PLEKHO1: variants seen among roughly 807,000 people sequenced by gnomAD.
The protein encoded by PLEKHO1 is pleckstrin homology domain-containing family O member 1.
A neutral mutation model predicts 41.4 loss-of-function variants in PLEKHO1; 22 were observed. The observed-to-expected ratio is 0.53, with a 90% confidence interval of 0.38 to 0.76. The LOEUF is 0.76. Ranked by LOEUF, PLEKHO1 falls within the 30% of genes least tolerant of loss-of-function variation. PLEKHO1 has a pLI of 0.00. For synonymous variants in PLEKHO1, 225 were observed against 210.8 expected (o/e 1.07, Z -0.58); for missense variants, 488 against 518.3 (o/e 0.94, Z 0.57).
chr1:150,150,166 C>A lies in PLEKHO1; in HGVS notation c.-92C>A. On this transcript the variant is annotated 5_prime_UTR_variant, in exon 1 of 6. Transcript: ENST00000369124. ...GGCGGCGCCGGGGCAGCTCCGACGC[C>A]CTCCCGCGGGGAAGGAGCCCCCGCG... 2.1e-6 allele frequency: 1 copy of A among 482,866 alleles called. No individual in the cohort carries two copies. Among genetic ancestry groups the A allele is most frequent in the South Asian group, 8.7e-5 (1 of 11,510 alleles). 29.9% of individuals were successfully genotyped at this position (482,866 alleles called of 1,614,324 possible).
rs782341085 is a variant in PLEKHO1, at chr1:150,159,150, C to G, written c.857C>G (p.Thr286Ser). The G allele has an allele frequency of 6.3e-5, 101 of 1,611,426 alleles. 1 individual carries two copies. Among genetic ancestry groups the G allele is most frequent in the Non-Finnish European group, 7.7e-5 (91 of 1,178,786 alleles). Residue 286 changes from threonine (T) to serine (S), a missense_variant, in exon 6 of 6, where the codon ACC becomes AGC. Thr to Ser is a moderately conservative substitution (Grantham distance 58). Transcript: ENST00000369124. ...CAGCGGGATGCTGCCTCTGCCCGCACCCTCCAGCTGCGGGCTGAGGAACCC... is the reference window on the plus strand; with the variant it reads ...CAGCGGGATGCTGCCTCTGCCCGCAGCCTCCAGCTGCGGGCTGAGGAACCC... Reference protein sequence around the residue: ...LSQRDAASARTLQLRAEEPPT... With the variant: ...LSQRDAASARSLQLRAEEPPT...
Position 150,158,885 on chromosome 1 carries a change from G to A in PLEKHO1, c.592G>A (p.Glu198Lys). ...DLIQEEDPSP[E>K]EPTSCAESFR... ...GATCCAAGAGGAAGACCCTTCCCCT[G>A]AGGAACCAACCTCTTGTGCTGAGAG... The change falls in exon 6 of 6, where the codon GAG (glutamate) becomes AAG (lysine). Residue 198 changes from glutamate (E) to lysine (K), a missense_variant. Physicochemically the swap from Glu to Lys is moderately conservative, Grantham distance 56 (BLOSUM62 1). Transcript: ENST00000369124. 4 of 1,614,098 alleles carry A rather than the reference G, an allele frequency of 2.5e-6. No homozygotes were observed. Among genetic ancestry groups the A allele is most frequent in the Non-Finnish European group, 2.5e-6 (3 of 1,179,978 alleles).
At chr1:150,158,707 A>AT (rs1660279488) in intron 5 of PLEKHO1, 112 bp from the exon 6 acceptor site, 1 of 773,286 alleles carries the variant, frequency 1.3e-6, no homozygotes, top group African/African-American at 1.7e-5. Context: ...AGTACTTCTC[A>AT]TTCAAGGAAG....
intron 2 of PLEKHO1, chr1:150,154,286 A>G (rs1660080134): frequency 6.6e-6 from 1 of 152,276 alleles, no homozygotes; most frequent in Non-Finnish European, 1.5e-5. Flanking sequence ...GTTTCTGGGA[A>G]TTGCTCTTGG....
chr1:150,160,028 TGAG>T lies in PLEKHO1; in HGVS notation c.*511_*513del, dbSNP rs1327271469. On this transcript the variant is annotated 3_prime_UTR_variant, in exon 6 of 6. Coordinates refer to ENST00000369124, the MANE Select transcript of PLEKHO1 (RefSeq NM_016274.6). ...ATGGAAGTGAAATTTATCCCAGCCC[TGAG>T]GAGGATTTGTGGAATTAAAATCTCC... The T allele has an allele frequency of 6.5e-6, 1 of 152,966 alleles. No homozygotes were observed. The highest frequency in any genetic ancestry group is 2.4e-5 in the African/African-American group (1 of 41,470). The allele number at this position is 152,966 out of a possible 1,614,324, so 9.5% of individuals were successfully genotyped here.
chr1:150,150,297 C>A lies in PLEKHO1; in HGVS notation c.30+10C>A, dbSNP rs1553818352. The stretch of plus-strand genomic sequence containing the variant: ...CAATTCCGCCAAGCGGGTGAGTGCG[C>A]TTGCCCGCCCTGCGGCCGCCGCCGC... On this transcript the variant is annotated intron_variant, in intron 1 of 5. Transcript: ENST00000369124. 9.2e-7 allele frequency: 1 copy of A among 1,091,404 alleles called. No individual in the cohort carries two copies. The highest frequency in any genetic ancestry group is 1.1e-6 in the Non-Finnish European group (1 of 891,220). The allele number at this position is 1,091,404 out of a possible 1,614,324, so 67.6% of individuals were successfully genotyped here.
chr1:150,153,389 A>G (rs1299148765), intron 2 of PLEKHO1: 1 of 151,928 alleles, frequency 6.6e-6, no homozygotes, highest in African/African-American at 2.4e-5. Flanking sequence ...GGGTCTCACT[A>G]TGTTTCCCAG....
At chr1:150,152,491 A>G (rs983228776) in intron 2 of PLEKHO1, among the ~76,000 whole-genome samples, 1 of 151,936 alleles carries the variant, frequency 6.6e-6, no homozygotes, top group South Asian at 2.1e-4. Context: ...TTGTAGAGAC[A>G]GTGTTTCGCG....
chr1:150,151,697 G>C (rs1659941691), intron 2 of PLEKHO1, among the ~76,000 whole-genome samples: 1 of 136,640 alleles, frequency 7.3e-6, no homozygotes, highest in Non-Finnish European at 1.5e-5. Flanking sequence ...CCCTCCATTT[G>C]TATCAGAAGG....
rs978231823 is a variant in PLEKHO1, at chr1:150,159,303, A to G, written c.1010A>G (p.Lys337Arg). 6 of 1,614,142 alleles carry G rather than the reference A, an allele frequency of 3.7e-6. No homozygotes were observed. The highest frequency in any genetic ancestry group is 2.2e-5 in the East Asian group (1 of 44,884). The stretch of plus-strand genomic sequence containing the variant: ...CTGGGAGATGGGAAGCGAAAGGCCA[A>G]GGACCCCCCTCGGTCTCCGCCGGAT... ...QGLGDGKRKA[K>R]DPPRSPPDSE... Residue 337 changes from lysine (K) to arginine (R), a missense_variant, in exon 6 of 6, where the codon AAG (lysine) becomes AGG (arginine). By Grantham distance (26) the Lys-to-Arg change is conservative (BLOSUM62 2). Transcript: ENST00000369124.
At chr1:150,158,630 A>G (rs1660275988) in intron 5 of PLEKHO1, among the ~76,000 whole-genome samples, 189 bp from the exon 6 acceptor site, 1 of 152,168 alleles carries the variant, frequency 6.6e-6, no homozygotes, top group Non-Finnish European at 1.5e-5. Context: ...CGGAGCTTGC[A>G]GTGAGCTCAA....
rs1660290818 is a variant in PLEKHO1 at position 150,158,858 on chromosome 1, T to C, written c.565T>C (p.Leu189=). ...CTCGGATGGGATGCTGACCTTGGAC[T>C]TGATCCAAGAGGAAGACCCTTCCCC... is the stretch of plus-strand genomic sequence containing the variant. ...STSDGMLTLD[L]IQEEDPSPEE... Residue 189 remains leucine (L), a synonymous_variant, in exon 6 of 6, where the codon TTG becomes CTG. Coordinates refer to ENST00000369124, the MANE Select transcript of PLEKHO1 (RefSeq NM_016274.6). The C allele has an allele frequency of 1.2e-6, 2 of 1,612,944 alleles. No homozygotes were observed. The highest frequency in any genetic ancestry group is 1.7e-6 in the Non-Finnish European group (2 of 1,179,032).
chr1:150,156,132 C>T lies in PLEKHO1; in HGVS notation c.244C>T (p.Arg82Trp), dbSNP rs781800712. 1.9e-6 allele frequency: 3 copies of T among 1,612,946 alleles called. No individual in the cohort carries two copies. Among genetic ancestry groups the T allele is most frequent in the Non-Finnish European group, 2.5e-6 (3 of 1,179,162 alleles). ...TGACTATGAGAAGTGTGAAGAGCTCCGGAAGTCCAAGAGCAGGAGCAAGAA... is the reference window on the plus strand; with the variant it reads ...TGACTATGAGAAGTGTGAAGAGCTCTGGAAGTCCAAGAGCAGGAGCAAGAA... ...LSDYEKCEEL[R>W]KSKSRSKKNH... The change falls in exon 3 of 6, where the codon CGG becomes TGG. Residue 82 changes from arginine to tryptophan, a missense_variant. Arg to Trp is a moderately radical substitution (Grantham distance 101, BLOSUM62 -3). This residue lies in a region of PLEKHO1 where 59 missense variants were observed against 111.5 expected (regional missense o/e 0.53). Coordinates refer to ENST00000369124, the MANE Select transcript of PLEKHO1 (RefSeq NM_016274.6).
chr1:150,156,779 T>C (rs1660187863), intron 3 of PLEKHO1, 132 bp from the exon 4 acceptor site: 1 of 659,154 alleles, frequency 1.5e-6, no homozygotes, highest in Non-Finnish European at 2.8e-6. Flanking sequence ...TATGGATGAC[T>C]CTGGAAGCAG....
intron 2 of PLEKHO1, among the ~76,000 whole-genome samples, chr1:150,151,610 C>T (rs1659933587): frequency 6.6e-6 from 1 of 152,160 alleles, no homozygotes; most frequent in African/African-American, 2.4e-5. Context: ...TGTCCCTAAC[C>T]AGTATGCTCT....
chr1:150,159,023 TG>T lies in PLEKHO1; in HGVS notation c.733del (p.Glu245LysfsTer17). 6.2e-7 allele frequency: 1 copy of T among 1,613,452 alleles called. No homozygotes were observed. The highest frequency in any genetic ancestry group is 8.5e-7 in the Non-Finnish European group (1 of 1,179,774). On this transcript the variant is annotated frameshift_variant, in exon 6 of 6. Transcript: ENST00000369124. LOFTEE classifies it high-confidence loss of function. ...ADRASSLSRP[W>X]EKTDKGATYT... is the part of the protein sequence containing the mutation. The stretch of plus-strand genomic sequence containing the variant: ...CCGGGCAAGCAGTCTCTCCCGACCT[TG>T]GGAAAAAACAGACAAAGGGGCCACC...
chr1:150,158,993 G>A lies in PLEKHO1; in HGVS notation c.700G>A (p.Ala234Thr), dbSNP rs200546107. Residue 234 changes from alanine (A) to threonine (T), a missense_variant, in exon 6 of 6, where the codon GCA becomes ACA. Ala to Thr is a moderately conservative substitution (Grantham distance 58). Coordinates refer to ENST00000369124, the MANE Select transcript of PLEKHO1 (RefSeq NM_016274.6). ...RADSDRIQPSADRASSLSRPW... is the reference protein window; with the variant it reads ...RADSDRIQPSTDRASSLSRPW... Reference sequence around the variant, plus strand: ...GGACTCAGACCGCATCCAGCCCTCCGCAGACCGGGCAAGCAGTCTCTCCCG... The same window carrying A: ...GGACTCAGACCGCATCCAGCCCTCCACAGACCGGGCAAGCAGTCTCTCCCG... 14 of 1,614,004 alleles carry A rather than the reference G, an allele frequency of 8.7e-6. No individual in the cohort carries two copies. The East Asian group carries it at 8.9e-5, about 10-fold the overall frequency.
chr1:150,149,951 C>G lies in PLEKHO1; in HGVS notation c.-307C>G, dbSNP rs1236413280. On this transcript the variant is annotated 5_prime_UTR_variant, in exon 1 of 6. Transcript: ENST00000369124. ...GGGCCGGGGGAGCGGCCGCGCTGGG[C>G]CGGGCGGGCGGGTGGCGGGGGTGCG... 2 of 150,960 alleles carry G rather than the reference C, an allele frequency of 1.3e-5. No homozygotes were observed. Among genetic ancestry groups the G allele is most frequent in the African/African-American group, 4.9e-5 (2 of 41,046 alleles). The allele number at this position is 150,960 out of a possible 1,614,324, so 9.4% of individuals were successfully genotyped here. A position where few individuals can be genotyped will look rare whatever the true frequency, so the allele number is the denominator to read the frequency against.
chr1:150,153,141 C>G (rs1374067441), intron 2 of PLEKHO1: 1 of 152,134 alleles, frequency 6.6e-6, no homozygotes, highest in African/African-American at 2.4e-5. Context: ...TTATTTTGCC[C>G]ACTTGTGAAA....
Sources: gnomAD v4.1 joint callset for allele counts (sites outside exome capture counted in the v4.1 genomes callset) on GRCh38, gnomAD v4.1.1 for gene constraint, gnomAD v4.1.1 regional missense constraint, MANE v1.5 for transcripts, NCBI Gene and HGNC (gene_info 2026-07-23, HGNC 2026-07-21) for gene names.